The following RIPOR2 variants were observed in gnomAD, a reference collection of about 807,000 sequenced individuals.
The protein encoded by RIPOR2 is RHO family interacting cell polarization regulator 2, also known as rho family-interacting cell polarization regulator 2.
Under a neutral mutation model 114.5 loss-of-function variants are expected in RIPOR2, and 39 were observed. The ratio of observed to expected loss-of-function variants is 0.34; its 90% confidence interval spans 0.26 to 0.44. RIPOR2 has a LOEUF of 0.44. Among genes scored for constraint, RIPOR2 ranks in the 20% least tolerant of loss-of-function variants. The pLI, the probability that RIPOR2 is intolerant of heterozygous loss-of-function variation, is 1.00. For missense variants in RIPOR2, 1,007 were observed against 1,255.1 expected (o/e 0.80, Z 2.99); for synonymous variants, 445 against 484.4 (o/e 0.92, Z 1.07).
chr6:25,019,491 G>A (rs930916089), intron 1 of RIPOR2, among the ~76,000 whole-genome samples: 6 of 151,926 alleles, frequency 3.9e-5, no homozygotes, highest in South Asian at 4.2e-4. Flanking sequence ...AGAGGTCGGC[G>A]GGGCGCGGTG....
chr6:25,019,815 A>C lies in RIPOR2; in HGVS notation c.76+22036T>G, dbSNP rs184195436. 2.0e-5 allele frequency among the ~76,000 whole-genome samples: 3 copies of C among 150,716 alleles called. No homozygotes were observed. In the East Asian group the frequency reaches 5.8e-4, roughly 29 times the overall value. ...AAAAAAAAAGAAAAGAAAGAAAGAA[A>C]AAGAAAAAAGAAAAAGATGTCAATA... is the stretch of plus-strand genomic sequence containing the variant. On this transcript the variant is annotated intron_variant, in intron 1 of 13. Coordinates refer to the RIPOR2 transcript ENST00000510784.
intron 1 of RIPOR2, among the ~76,000 whole-genome samples, chr6:24,913,631 T>A (rs1769838997): frequency 6.6e-6 from 1 of 152,180 alleles, no homozygotes; most frequent in Non-Finnish European, 1.5e-5. Context: ...ACACCAGGTC[T>A]CCTAGAGCTT....
intron 1 of RIPOR2, among the ~76,000 whole-genome samples, chr6:24,916,491 A>G (rs1770089520): frequency 2.0e-5 from 3 of 152,214 alleles, no homozygotes; most frequent in African/African-American, 7.2e-5. Context: ...TAGCCAATAA[A>G]TATTGACTAA....
At chr6:24,835,949 G>T in intron 14 of RIPOR2, 78 bp from the exon 15 acceptor site, 1 of 1,360,044 alleles carries the variant, frequency 7.4e-7, no homozygotes, top group Non-Finnish European at 1.0e-6. Flanking sequence ...GTTTGCATCG[G>T]GCCCCAACAG....
At chr6:24,995,895 C>T (rs894448641) in intron 1 of RIPOR2, among the ~76,000 whole-genome samples, 5 of 151,780 alleles carry the variant, frequency 3.3e-5, no homozygotes, top group Middle Eastern at 3.4e-3. Flanking sequence ...CTCCGCCTCC[C>T]GGGTTCATGC....
At chr6:24,945,422 A>G (rs547700744) in intron 1 of RIPOR2, among the ~76,000 whole-genome samples, 3 of 152,212 alleles carry the variant, frequency 2.0e-5, no homozygotes, top group Admixed American at 6.5e-5. Context: ...ATAAGAAAAA[A>G]TAGAGAGCAC....
chr6:25,005,694 G>GATATAGATAT (rs1775521026), intron 1 of RIPOR2, among the ~76,000 whole-genome samples: 1 of 45,378 alleles, frequency 2.2e-5, no homozygotes, highest in South Asian at 1.1e-3. Context: ...TCCCTATGGA[G>GATATAGATAT]ATATATATAT....
chr6:24,995,472 C>A (rs932683889), intron 1 of RIPOR2, among the ~76,000 whole-genome samples: 1 of 152,220 alleles, frequency 6.6e-6, no homozygotes, highest in African/African-American at 2.4e-5. Flanking sequence ...CCAGGCCTTG[C>A]CTGGGAAACT....
chr6:24,894,742 G>A (rs942722705), intron 1 of RIPOR2, among the ~76,000 whole-genome samples: 4 of 152,178 alleles, frequency 2.6e-5, no homozygotes, highest in African/African-American at 9.7e-5. Flanking sequence ...CAACAACACA[G>A]TATAACAATA....
intron 9 of RIPOR2, among the ~76,000 whole-genome samples, chr6:24,851,777 G>T (rs908514269): frequency 6.0e-5 from 9 of 151,256 alleles, no homozygotes; most frequent in Admixed American, 1.3e-4. Context: ...TGCTTACCTA[G>T]TACAATATTG....
chr6:24,976,946 A>C (rs9393601), intron 1 of RIPOR2: 283,216 of 1,550,018 alleles, frequency 0.18, 30,700 homozygotes, highest in East Asian at 0.55. Flanking sequence ...GACCAGCAAG[A>C]AGATCACCAT....
chr6:24,806,254 A>T lies in RIPOR2; in HGVS notation c.*119T>A. On this transcript the variant is annotated 3_prime_UTR_variant, in exon 22 of 22. Transcript: ENST00000643898. ...AGGCATGAGCCACTGCACCTGGCCT[A>T]CATTTTTATTTCAGTTGTCGTGTCT... The T allele has an allele frequency of 1.3e-6, 1 of 742,356 alleles. No individual in the cohort carries two copies. The highest frequency in any genetic ancestry group is 2.3e-6 in the Non-Finnish European group (1 of 436,770). 46.0% of individuals were successfully genotyped at this position (742,356 alleles called of 1,614,324 possible).
At chr6:24,905,041 T>C (rs1326079004) in intron 1 of RIPOR2, among the ~76,000 whole-genome samples, 1 of 152,118 alleles carries the variant, frequency 6.6e-6, no homozygotes, top group African/African-American at 2.4e-5. Flanking sequence ...TCCCCAAGTG[T>C]TGGGATTACA....
At chr6:24,867,627 A>G (rs1465968253) in intron 6 of RIPOR2, among the ~76,000 whole-genome samples, 1 of 152,266 alleles carries the variant, frequency 6.6e-6, no homozygotes, top group Non-Finnish European at 1.5e-5. Flanking sequence ...CGGTATAGCC[A>G]TAATGACTTA....
chr6:24,980,500 T>C (rs1774242055), intron 1 of RIPOR2, among the ~76,000 whole-genome samples: 1 of 152,238 alleles, frequency 6.6e-6, no homozygotes, highest in Admixed American at 6.5e-5. Context: ...GATAAGTTCA[T>C]GAGTAAGCCT....
chr6:24,864,479 C>T (rs564432351), intron 7 of RIPOR2, among the ~76,000 whole-genome samples: 2 of 152,288 alleles, frequency 1.3e-5, no homozygotes, highest in East Asian at 1.9e-4. Flanking sequence ...TCCAAGCTGT[C>T]CTTCTGATCC....
At chr6:24,916,693 C>T (rs1294313908) in intron 1 of RIPOR2, among the ~76,000 whole-genome samples, 1 of 152,230 alleles carries the variant, frequency 6.6e-6, no homozygotes, top group Non-Finnish European at 1.5e-5. Context: ...TATCCTTTGC[C>T]CGTGTCTGGC....
chr6:24,908,899 C>A (rs541356700), intron 1 of RIPOR2, among the ~76,000 whole-genome samples: 1 of 152,174 alleles, frequency 6.6e-6, no homozygotes, highest in Non-Finnish European at 1.5e-5. Context: ...CGCATGCTTT[C>A]GGTTTTCTTT....
chr6:24,971,010 G>A (rs1773767428), intron 1 of RIPOR2, among the ~76,000 whole-genome samples: 1 of 152,172 alleles, frequency 6.6e-6, no homozygotes, highest in South Asian at 2.1e-4. Flanking sequence ...GTAAAGCACT[G>A]AAATCGTGCC....
Sources: allele counts gnomAD v4.1 joint callset (sites outside exome capture counted in the v4.1 genomes callset), GRCh38; gene constraint gnomAD v4.1.1; transcripts MANE v1.5; gene names NCBI Gene and HGNC (gene_info 2026-07-23, HGNC 2026-07-21).